Variants in BCHE observed in about 807,000 individuals in gnomAD.
BCHE encodes the protein cholinesterase.
Under a neutral mutation model 51.3 loss-of-function variants are expected in BCHE, and 48 were observed. That is an observed-to-expected ratio of 0.94 (90% CI 0.74 to 1.19). BCHE has a LOEUF of 1.19. BCHE is among the 50% of genes most tolerant of loss of function. The pLI is 0.00. For missense variants in BCHE, 847 were observed against 708.2 expected (o/e 1.20, Z -2.23); for synonymous variants, 251 against 238.0 (o/e 1.05, Z -0.50).
At chr3:165,800,113 A>T (rs1422494235) in intron 2 of BCHE, among the ~76,000 whole-genome samples, 1 of 152,084 alleles carries the variant, frequency 6.6e-6, no homozygotes, top group South Asian at 2.1e-4. Context: ...TTTTTCCTCC[A>T]AAATTTTTTT....
chr3:165,777,849 C>G (rs1373725708), intron 3 of BCHE: 2 of 413,110 alleles, frequency 4.8e-6, no homozygotes, highest in African/African-American at 2.0e-5. Flanking sequence ...TCAACTTCCA[C>G]TCAATAAGTA....
intron 2 of BCHE, among the ~76,000 whole-genome samples, chr3:165,805,978 C>CCCA (rs1713851254): frequency 6.6e-6 from 1 of 152,126 alleles, no homozygotes; most frequent in Admixed American, 6.6e-5. Context: ...CCCAAAGTTA[C>CCCA]TCCCCAGTGT....
Position 165,831,048 on chromosome 3 carries a change from G to C in BCHE, c.-8-7C>G. The C allele has an allele frequency of 6.2e-7, 1 of 1,600,666 alleles. No individual in the cohort carries two copies. The highest frequency in any genetic ancestry group is 8.5e-7 in the Non-Finnish European group (1 of 1,172,912). On this transcript the variant is annotated splice_polypyrimidine_tract_variant and splice_region_variant and intron_variant, in intron 1 of 3. Transcript: ENST00000264381. The stretch of plus-strand genomic sequence containing the variant: ...TTGCTATGCATATTGATTTCTGAAA[G>C]AGAGGTAAGTATAATGTTTTATAAG...
chr3:165,821,633 G>A (rs1395609936), intron 2 of BCHE, among the ~76,000 whole-genome samples: 1 of 151,802 alleles, frequency 6.6e-6, no homozygotes, highest in Non-Finnish European at 1.5e-5. Context: ...CTTTAATGAC[G>A]TTATGGCCAT....
At chr3:165,815,099 G>A (rs2108224641) in intron 2 of BCHE, among the ~76,000 whole-genome samples, 1 of 150,278 alleles carries the variant, frequency 6.7e-6, no homozygotes, top group Admixed American at 6.7e-5. Flanking sequence ...TCCTGGTTTA[G>A]CTTATTTTTC....
At position 165,828,050 on chromosome 3, in the gene BCHE, G is replaced by A. The variant is rs527676569; in HGVS notation, c.1517+1467C>T. The A allele has an allele frequency of 2.8e-5, 13 of 456,190 alleles. 1 individual carries two copies. Among genetic ancestry groups the A allele is most frequent in the South Asian group, 2.0e-4 (13 of 64,518 alleles). 28.3% of individuals were successfully genotyped at this position (456,190 alleles called of 1,614,324 possible). On this transcript the variant is annotated intron_variant, in intron 2 of 3. Coordinates refer to ENST00000264381, the MANE Select transcript of BCHE (RefSeq NM_000055.4). ...GGTTCTGTTTCAAGAACGTAGTTTA[G>A]TATGGTTGAGGAAGAACAGCTTACA...
intron 1 of BCHE, among the ~76,000 whole-genome samples, chr3:165,837,077 T>C (rs1448546286): frequency 1.3e-5 from 2 of 152,136 alleles, no homozygotes; most frequent in African/African-American, 4.8e-5. Context: ...GTTGAATAAA[T>C]TCATTATTTT....
intron 2 of BCHE, among the ~76,000 whole-genome samples, chr3:165,788,236 T>C (rs1176508101): frequency 4.6e-5 from 7 of 152,042 alleles, no homozygotes; most frequent in Non-Finnish European, 1.0e-4. Flanking sequence ...AGAACTTATA[T>C]TGAATATGCA....
chr3:165,829,135 A>G (rs1714848311), intron 2 of BCHE, among the ~76,000 whole-genome samples: 1 of 152,134 alleles, frequency 6.6e-6, no homozygotes, highest in Non-Finnish European at 1.5e-5. Context: ...GAGCTTGGGA[A>G]GAAATAGTCC....
rs1715165604 is a variant in BCHE at position 165,835,723 on chromosome 3, A to G, written c.-9+1591T>C. Among the ~76,000 whole-genome samples, 4 of 151,976 alleles carry G rather than the reference A, an allele frequency of 2.6e-5. No individual in the cohort carries two copies. In the South Asian group the frequency reaches 8.3e-4, roughly 31 times the overall value. Reference sequence around the variant, plus strand: ...CTTTAGGCATGTATACATATAGAAGACACTACATTAGATATAAGAAACTTA... The same window carrying G: ...CTTTAGGCATGTATACATATAGAAGGCACTACATTAGATATAAGAAACTTA... On this transcript the variant is annotated intron_variant, in intron 1 of 3. Transcript: ENST00000264381.
chr3:165,790,118 G>A (rs1037962791), intron 2 of BCHE, among the ~76,000 whole-genome samples: 14 of 152,040 alleles, frequency 9.2e-5, no homozygotes, highest in Non-Finnish European at 1.8e-4. Context: ...ATTGTCCTTT[G>A]TCTCTCCCTG....
intron 2 of BCHE, among the ~76,000 whole-genome samples, chr3:165,803,863 A>T (rs1487995818): frequency 6.6e-6 from 1 of 152,150 alleles, no homozygotes; most frequent in Non-Finnish European, 1.5e-5. Flanking sequence ...TTAGGAAGAG[A>T]CCTGGGCTGC....
chr3:165,813,510 T>C (rs1714190015), intron 2 of BCHE, among the ~76,000 whole-genome samples: 1 of 151,732 alleles, frequency 6.6e-6, no homozygotes, highest in Admixed American at 6.6e-5. Flanking sequence ...CAAAATAATA[T>C]TTATTCTTTT....
At chr3:165,813,230 G>A (rs976669217) in intron 2 of BCHE, among the ~76,000 whole-genome samples, 2 of 151,734 alleles carry the variant, frequency 1.3e-5, no homozygotes, top group Admixed American at 1.3e-4. Flanking sequence ...TTAATATGTA[G>A]TTGAAATCTC....
intron 2 of BCHE, among the ~76,000 whole-genome samples, chr3:165,816,542 T>C (rs1714320093): frequency 6.6e-6 from 1 of 151,982 alleles, no homozygotes; most frequent in African/African-American, 2.4e-5. Context: ...TCTCATTCTC[T>C]TTTGCATCTC....
chr3:165,785,145 G>A (rs1172575357), intron 3 of BCHE, among the ~76,000 whole-genome samples: 1 of 151,770 alleles, frequency 6.6e-6, no homozygotes, highest in Admixed American at 6.6e-5. Flanking sequence ...GCTCTGAGAT[G>A]CCCATATTTG....
rs1211627854 is a variant in BCHE at position 165,786,203 on chromosome 3, T to C, written c.1626A>G (p.Leu542=). ...NTESTRIMTK[L]RAQQCRFWTS... is the part of the protein sequence containing the mutation. ...TCCAGAATCGACATTGTTGAGCACG[T>C]AGTTTCGTCATTATTCTTGTTGACT... Residue 542 remains leucine, a synonymous_variant, in exon 3 of 4, where the codon CTA becomes CTG. Coordinates refer to ENST00000264381, the MANE Select transcript of BCHE (RefSeq NM_000055.4). 7.4e-6 allele frequency: 12 copies of C among 1,612,450 alleles called. No homozygotes were observed. Among genetic ancestry groups the C allele is most frequent in the Admixed American group, 1.7e-5 (1 of 59,922 alleles).
At chr3:165,819,315 T>A (rs1714428865) in intron 2 of BCHE, among the ~76,000 whole-genome samples, 1 of 152,012 alleles carries the variant, frequency 6.6e-6, no homozygotes, top group African/African-American at 2.4e-5. Flanking sequence ...TGACCTCGGA[T>A]GATCCTCCCG....
In BCHE at chr3:165,830,921, T is replaced by C. The variant is rs781642185; in HGVS notation, c.113A>G (p.Asn38Ser). The C allele has an allele frequency of 5.6e-6, 9 of 1,613,968 alleles. No individual in the cohort carries two copies. Among genetic ancestry groups the C allele is most frequent in the Non-Finnish European group, 6.8e-6 (8 of 1,179,906 alleles). The change falls in exon 2 of 4, where the codon AAT becomes AGT. Residue 38 changes from asparagine to serine, a missense_variant. Asn to Ser is a conservative substitution (Grantham distance 46, BLOSUM62 1). Transcript: ENST00000264381. ...TEDDIIIATK[N>S]GKVRGMNLTV... is the part of the protein sequence containing the mutation. The stretch of plus-strand genomic sequence containing the variant: ...CAAGTTCATCCCTCTGACTTTTCCA[T>C]TCTTTGTTGCAATTATGATGTCATC...
Sources: gnomAD v4.1 joint callset for allele counts (sites outside exome capture counted in the v4.1 genomes callset) on GRCh38, gnomAD v4.1.1 for gene constraint, MANE v1.5 for transcripts, NCBI Gene and HGNC (gene_info 2026-07-23, HGNC 2026-07-21) for gene names.